The following ATAD3A variants were observed in gnomAD, a reference collection of about 807,000 sequenced individuals.
The protein encoded by ATAD3A is ATPase family AAA domain containing 3A, also known as ATPase family AAA domain-containing protein 3A.
Under a neutral mutation model 73.8 loss-of-function variants are expected in ATAD3A, and 46 were observed. That is an observed-to-expected ratio of 0.62 (90% CI 0.49 to 0.80). The LOEUF is 0.80. Among genes scored for constraint, ATAD3A ranks in the 30% least tolerant of loss-of-function variants. The pLI, the probability that ATAD3A is intolerant of heterozygous loss-of-function variation, is 0.00. For synonymous variants in ATAD3A, 319 were observed against 350.0 expected (o/e 0.91, Z 0.99); for missense variants, 705 against 838.0 (o/e 0.84, Z 1.96).
Position 1,524,385 on chromosome 1 carries a change from C to A in ATAD3A, c.1202C>A (p.Thr401Asn), listed in dbSNP as rs1481433092. 3 of 1,607,412 alleles carry A rather than the reference C, an allele frequency of 1.9e-6. No individual in the cohort carries two copies. The highest frequency in any genetic ancestry group is 2.2e-5 in the East Asian group (1 of 44,564). ...AMHKLFDWANTSRRGLLLFVD... is the reference protein window; with the variant it reads ...AMHKLFDWANNSRRGLLLFVD... ...CACAAGCTCTTTGACTGGGCCAATA[C>A]CAGCCGGCGCGGGTGAGACGTCCCC... is the stretch of plus-strand genomic sequence containing the variant. The change falls in exon 11 of 16, where the codon ACC becomes AAC. Residue 401 changes from threonine (T) to asparagine (N), a missense_variant. Thr to Asn is a moderately conservative substitution (Grantham distance 65, BLOSUM62 0). Coordinates refer to ENST00000378756, the MANE Select transcript of ATAD3A (RefSeq NM_001170535.3).
chr1:1,523,433 A>T lies in ATAD3A; in HGVS notation c.907-78A>T. ...GCAGCTCCGTTTCTGCGTGTTACCG[A>T]GCGTGTGTGTGCGCGTTGGTGGCTG... On this transcript the variant is annotated intron_variant, in intron 8 of 15. Coordinates refer to ENST00000378756, the MANE Select transcript of ATAD3A (RefSeq NM_001170535.3). This position sits in a 1 kb window ranked among gnomAD's most constrained non-coding sequence, Gnocchi z 5.1. 1 of 1,562,374 alleles carries T rather than the reference A, an allele frequency of 6.4e-7. No homozygotes were observed.
intron 4 of ATAD3A, among the ~76,000 whole-genome samples, chr1:1,518,602 C>A (rs1249088530): frequency 2.2e-5 from 3 of 137,608 alleles, no homozygotes; most frequent in African/African-American, 8.7e-5. Context: ...TGGGCACACA[C>A]CCACACACGG....
At position 1,525,310 on chromosome 1, in the gene ATAD3A, C is replaced by T. The variant is rs779635997; in HGVS notation, c.1266+19C>T. 6.2e-7 allele frequency: 1 copy of T among 1,613,026 alleles called. No individual in the cohort carries two copies. The highest frequency in any genetic ancestry group is 2.2e-5 in the East Asian group (1 of 44,840). Reference sequence around the variant, plus strand: ...AGCCACCGTGAGTGTCACTAAGCCTCTGGCCACAATGGGGTGGTGGGGTGG... The same window carrying T: ...AGCCACCGTGAGTGTCACTAAGCCTTTGGCCACAATGGGGTGGTGGGGTGG... On this transcript the variant is annotated intron_variant, in intron 12 of 15. Transcript: ENST00000378756.
intron 1 of ATAD3A, 197 bp downstream of exon 1, chr1:1,512,670 C>T: frequency 5.9e-6 from 8 of 1,354,504 alleles, no homozygotes; most frequent in South Asian, 1.3e-5. Context: ...TGCACCTCTG[C>T]AGCTGTCAGG....
In ATAD3A at chr1:1,534,009, G is replaced by T; in HGVS notation, c.1698G>T (p.Gln566His). The T allele has an allele frequency of 6.2e-7, 1 of 1,613,680 alleles. No individual in the cohort carries two copies. The highest frequency in any genetic ancestry group is 8.5e-7 in the Non-Finnish European group (1 of 1,179,954). ...TRVQDAVQQH[Q>H]QKMCWLKAEG... ...TGCAAGATGCTGTCCAGCAGCACCA[G>T]CAGAAGATGTGCTGGCTGAAGGCGG... The change falls in exon 16 of 16, where the codon CAG becomes CAT. Residue 566 changes from glutamine to histidine, a missense_variant. This residue lies in a region of ATAD3A where 252 missense variants were observed against 278.5 expected (regional missense o/e 0.90). Coordinates refer to ENST00000378756, the MANE Select transcript of ATAD3A (RefSeq NM_001170535.3).
chr1:1,516,136 C>T (rs770079488), intron 2 of ATAD3A, 48 bp downstream of exon 2: 36 of 1,610,196 alleles, frequency 2.2e-5, no homozygotes, highest in East Asian at 4.5e-5. Flanking sequence ...ACATGGGGTT[C>T]GGGCATGGAG....
intron 12 of ATAD3A, among the ~76,000 whole-genome samples, chr1:1,525,693 C>T (rs930092443): frequency 4.6e-5 from 7 of 152,022 alleles, no homozygotes; most frequent in Non-Finnish European, 5.9e-5. Flanking sequence ...GGATTACAGG[C>T]GTGAGCCACC....
At chr1:1,521,865 A>G (rs1641612512) in intron 7 of ATAD3A, among the ~76,000 whole-genome samples, 1 of 152,006 alleles carries the variant, frequency 6.6e-6, no homozygotes, top group Non-Finnish European at 1.5e-5. Context: ...ACACTCAGCT[A>G]ATATAGGCCT....
At chr1:1,531,855 G>A (rs1168097449) in intron 15 of ATAD3A, among the ~76,000 whole-genome samples, 2 of 151,968 alleles carry the variant, frequency 1.3e-5, no homozygotes, top group Non-Finnish European at 2.9e-5. Context: ...AGCACTTTGG[G>A]AGGCTGAGGC....
intron 13 of ATAD3A, chr1:1,527,082 G>A: frequency 9.5e-7 from 1 of 1,056,146 alleles, no homozygotes; most frequent in Non-Finnish European, 1.3e-6. Flanking sequence ...CCCATAGGGT[G>A]ACCGCCCCAT....
intron 15 of ATAD3A, among the ~76,000 whole-genome samples, chr1:1,530,549 G>GA (rs546112186): frequency 0.096 from 11,679 of 121,498 alleles, 1,720 homozygotes; most frequent in African/African-American, 0.39. Context: ...AAGAATAATG[G>GA]CCGGGCGCGG....
At chr1:1,531,678 T>G (rs1642039908) in intron 15 of ATAD3A, among the ~76,000 whole-genome samples, 1 of 150,714 alleles carries the variant, frequency 6.6e-6, no homozygotes, top group Admixed American at 6.6e-5. Flanking sequence ...CTTGGGAGGC[T>G]GAGGCAGGAG....
chr1:1,526,681 G>A (rs932917178), intron 13 of ATAD3A, 150 bp downstream of exon 13: 41 of 1,505,986 alleles, frequency 2.7e-5, no homozygotes, highest in African/African-American at 2.1e-4. Flanking sequence ...CCCTGGGAAC[G>A]GCCCAGCTCG....
At chr1:1,518,009 A>G (rs565392928) in intron 4 of ATAD3A, among the ~76,000 whole-genome samples, 3 of 151,398 alleles carry the variant, frequency 2.0e-5, no homozygotes, top group South Asian at 4.2e-4. Flanking sequence ...ACGGACACAC[A>G]CTCCTCGCAC....
At chr1:1,514,538 C>T (rs1641294168) in intron 1 of ATAD3A, among the ~76,000 whole-genome samples, 1 of 152,218 alleles carries the variant, frequency 6.6e-6, no homozygotes, top group Non-Finnish European at 1.5e-5. Flanking sequence ...TACCAAGGCG[C>T]TTCCTGAAAT....
intron 4 of ATAD3A, among the ~76,000 whole-genome samples, chr1:1,518,453 AC>A (rs1411488872): frequency 2.8e-5 from 2 of 71,198 alleles, no homozygotes; most frequent in Non-Finnish European, 5.4e-5. Flanking sequence ...GCGCGCGTAC[AC>A]CCCCCTATAC....
At chr1:1,532,094 T>G (rs1642052323) in intron 15 of ATAD3A, among the ~76,000 whole-genome samples, 1 of 152,198 alleles carries the variant, frequency 6.6e-6, no homozygotes, top group Non-Finnish European at 1.5e-5. Flanking sequence ...TGTGGAACAT[T>G]GATTGATTTT....
chr1:1,524,976 G>A (rs904360174), intron 11 of ATAD3A, among the ~76,000 whole-genome samples: 4 of 152,328 alleles, frequency 2.6e-5, no homozygotes, highest in South Asian at 2.1e-4. Context: ...GCACTGGGCC[G>A]GGTGGGGGTG....
In ATAD3A at chr1:1,523,770, C is replaced by T. The variant is rs555335574; in HGVS notation, c.964-69C>T. 50 of 1,607,986 alleles carry T rather than the reference C, an allele frequency of 3.1e-5. No individual in the cohort carries two copies. The East Asian group carries it at 3.3e-4, about 11-fold the overall frequency. On this transcript the variant is annotated intron_variant, in intron 9 of 15. Coordinates refer to ENST00000378756, the MANE Select transcript of ATAD3A (RefSeq NM_001170535.3). This position sits in a 1 kb window ranked among gnomAD's most constrained non-coding sequence, Gnocchi z 5.1. Reference sequence around the variant, plus strand: ...AGCCGAGTCTGCACCCAGGCATTCCCGCAGCCCCTTCCCCTGAGGCTTCCA... The same window carrying T: ...AGCCGAGTCTGCACCCAGGCATTCCTGCAGCCCCTTCCCCTGAGGCTTCCA...
Sources: allele counts gnomAD v4.1 joint callset (sites outside exome capture counted in the v4.1 genomes callset), GRCh38; gene constraint gnomAD v4.1.1; regional missense constraint gnomAD v4.1.1; non-coding constraint Gnocchi (gnomAD v3.1); transcripts MANE v1.5; gene names NCBI Gene and HGNC (gene_info 2026-07-23, HGNC 2026-07-21).